Variants in SLC24A2 observed in about 807,000 individuals in gnomAD.
The protein encoded by SLC24A2 is sodium/potassium/calcium exchanger 2.
Under a neutral mutation model 62.0 loss-of-function variants are expected in SLC24A2, and 36 were observed. The observed-to-expected ratio is 0.58, with a 90% CI of 0.44 to 0.77. The LOEUF is 0.77. Among genes scored for constraint, SLC24A2 ranks in the 30% least tolerant of loss-of-function variants. The pLI is 0.00. For synonymous variants in SLC24A2, 358 were observed against 294.0 expected (o/e 1.22, Z -2.23); for missense variants, 846 against 817.9 (o/e 1.03, Z -0.42).
chr9:20,214,229 A>G, the SLC24A2 span, among the ~76,000 whole-genome samples: 1 of 152,328 alleles, frequency 6.6e-6, no homozygotes, highest in Middle Eastern at 3.4e-3. Context: ...GCTACTACTC[A>G]GTAGGCATAA....
intron 2 of SLC24A2, among the ~76,000 whole-genome samples, chr9:19,687,893 G>A (rs1011749857): frequency 6.6e-6 from 1 of 152,048 alleles, no homozygotes; most frequent in Non-Finnish European, 1.5e-5. Flanking sequence ...TGTTAATTCA[G>A]ACAAGGCAGT....
At chr9:19,571,417 G>T (rs139455778) in intron 7 of SLC24A2, among the ~76,000 whole-genome samples, 44 of 151,874 alleles carry the variant, frequency 2.9e-4, no homozygotes, top group African/African-American at 9.9e-4. Context: ...TTTTTCTTAA[G>T]AAGTGGCTGC....
intron 7 of SLC24A2, among the ~76,000 whole-genome samples, chr9:19,556,915 G>A (rs1232674146): frequency 6.6e-6 from 1 of 152,110 alleles, no homozygotes; most frequent in Non-Finnish European, 1.5e-5. Flanking sequence ...TTAATCATAT[G>A]GACAATAATA....
chr9:20,067,148 A>G, the SLC24A2 span, among the ~76,000 whole-genome samples: 8 of 152,208 alleles, frequency 5.3e-5, no homozygotes, highest in African/African-American at 1.7e-4. Flanking sequence ...TTTGTCAAAT[A>G]TATTATTCAT....
intron 6 of SLC24A2, among the ~76,000 whole-genome samples, chr9:19,573,932 T>C (rs1313733557): frequency 6.6e-6 from 1 of 152,224 alleles, no homozygotes; most frequent in African/African-American, 2.4e-5. Context: ...TCAGATATTT[T>C]CTTACAGTAA....
At chr9:20,069,365 G>A in the SLC24A2 span, among the ~76,000 whole-genome samples, 21 of 152,154 alleles carry the variant, frequency 1.4e-4, no homozygotes, top group African/African-American at 4.1e-4. Flanking sequence ...TAATCTTCCC[G>A]TGACAGCACT....
the SLC24A2 span, among the ~76,000 whole-genome samples, chr9:19,867,961 T>C: frequency 7.2e-5 from 11 of 152,148 alleles, no homozygotes; most frequent in African/African-American, 2.6e-4. Flanking sequence ...GTTTTAAAAT[T>C]GTGTTTTGTC....
chr9:20,225,580 AT>A, the SLC24A2 span, among the ~76,000 whole-genome samples: 6 of 58,396 alleles, frequency 1.0e-4, no homozygotes, highest in African/African-American at 5.1e-4. Context: ...ATATAATTTC[AT>A]TTAAAGAAAG....
intron 2 of SLC24A2, chr9:19,705,712 G>T (rs1820493619): frequency 6.0e-6 from 1 of 166,674 alleles, no homozygotes; most frequent in Non-Finnish European, 1.3e-5. Context: ...TTCAGGAGCA[G>T]GTTGTTCAGT....
chr9:19,832,750 T>A, the SLC24A2 span, among the ~76,000 whole-genome samples: 1 of 152,078 alleles, frequency 6.6e-6, no homozygotes, highest in Non-Finnish European at 1.5e-5. Context: ...TGGGATCTAA[T>A]TAAACTAAAC....
At chr9:19,669,780 T>C (rs2118305472) in intron 2 of SLC24A2, among the ~76,000 whole-genome samples, 1 of 152,338 alleles carries the variant, frequency 6.6e-6, no homozygotes, top group East Asian at 1.9e-4. Flanking sequence ...ATCTGGATAA[T>C]ACAGGGTGCT....
At chr9:19,846,292 T>C in the SLC24A2 span, among the ~76,000 whole-genome samples, 1 of 152,232 alleles carries the variant, frequency 6.6e-6, no homozygotes, top group Non-Finnish European at 1.5e-5. Flanking sequence ...GGTGCGCATA[T>C]ATTTGGATAG....
At chr9:19,637,380 G>A (rs769480315) in intron 2 of SLC24A2, among the ~76,000 whole-genome samples, 7 of 152,110 alleles carry the variant, frequency 4.6e-5, no homozygotes, top group East Asian at 1.9e-4. Flanking sequence ...ACTGTTGCCC[G>A]ACTGTGTTTT....
the SLC24A2 span, among the ~76,000 whole-genome samples, chr9:19,810,649 C>A: frequency 6.6e-6 from 1 of 152,140 alleles, no homozygotes; most frequent in Non-Finnish European, 1.5e-5. Flanking sequence ...TTAATGCGTC[C>A]GCTTAAGTAG....
At chr9:19,645,348 T>C (rs1390933732) in intron 2 of SLC24A2, among the ~76,000 whole-genome samples, 1 of 152,248 alleles carries the variant, frequency 6.6e-6, no homozygotes, top group Admixed American at 6.5e-5. Context: ...ACTTAAAATT[T>C]ATTTGCTCTG....
At chr9:19,968,669 A>G in the SLC24A2 span, among the ~76,000 whole-genome samples, 4 of 152,186 alleles carry the variant, frequency 2.6e-5, no homozygotes, top group Admixed American at 2.6e-4. Context: ...GACTTCACCC[A>G]AGGTCACACA....
At chr9:19,798,195 T>C in the SLC24A2 span, among the ~76,000 whole-genome samples, 1 of 152,216 alleles carries the variant, frequency 6.6e-6, no homozygotes, top group African/African-American at 2.4e-5. Context: ...ATTTATGTTT[T>C]TAATGCTTCA....
At chr9:19,593,504 C>T (rs1038588782) in intron 5 of SLC24A2, among the ~76,000 whole-genome samples, 5 of 152,166 alleles carry the variant, frequency 3.3e-5, no homozygotes, top group African/African-American at 7.2e-5. Flanking sequence ...ACTTTTCAAA[C>T]GTCATGATTT....
the SLC24A2 span, among the ~76,000 whole-genome samples, chr9:19,867,330 A>C: frequency 6.6e-6 from 1 of 152,218 alleles, no homozygotes; most frequent in South Asian, 2.1e-4. Context: ...TTGTGGGAAC[A>C]TTTCAAAATT....
Sources: allele counts gnomAD v4.1 joint callset (sites outside exome capture counted in the v4.1 genomes callset), GRCh38; gene constraint gnomAD v4.1.1; transcripts MANE v1.5; gene names NCBI Gene and HGNC (gene_info 2026-07-23, HGNC 2026-07-21).